UFL1: variants seen among roughly 807,000 people sequenced by gnomAD.
The protein encoded by UFL1 is E3 UFM1-protein ligase 1.
A neutral mutation model predicts 99.3 loss-of-function variants in UFL1; 78 were observed. The observed-to-expected ratio is 0.79, with a 90% CI of 0.65 to 0.95. UFL1 has a LOEUF of 0.95. UFL1 is among the 40% of genes least tolerant of loss of function. UFL1 has a pLI of 0.00. For missense variants in UFL1, 936 were observed against 937.0 expected, an observed-to-expected ratio of 1.00 and a Z score of 0.01; for synonymous variants, 335 against 322.2, an observed-to-expected ratio of 1.04 and a Z score of -0.42.
At chr6:96,553,135 G>A in intron 18 of UFL1, 150 bp from the exon 19 acceptor site, 1 of 655,960 alleles carries the variant, frequency 1.5e-6, no homozygotes, top group Non-Finnish European at 2.6e-6. Flanking sequence ...CTCCTTGAGA[G>A]CAGAAACTGC....
intron 5 of UFL1, 88 bp from the exon 6 acceptor site, chr6:96,528,414 A>G: frequency 6.9e-7 from 1 of 1,450,814 alleles, no homozygotes; most frequent in South Asian, 1.4e-5. Context: ...ATACCTCAGC[A>G]TGCAGCATGA....
At chr6:96,533,310 A>G (rs1181941140) in intron 6 of UFL1, among the ~76,000 whole-genome samples, 1 of 152,144 alleles carries the variant, frequency 6.6e-6, no homozygotes, top group African/African-American at 2.4e-5. Flanking sequence ...ATAAATGTTC[A>G]TAGGAGCATT....
chr6:96,523,896 G>T (rs1769662893), intron 2 of UFL1, among the ~76,000 whole-genome samples: 1 of 151,958 alleles, frequency 6.6e-6, no homozygotes, highest in South Asian at 2.1e-4. Context: ...GTGTAACATT[G>T]GTCTTTGTCT....
intron 17 of UFL1, among the ~76,000 whole-genome samples, 156 bp downstream of exon 17, chr6:96,552,079 T>C (rs555199285): frequency 8.5e-5 from 13 of 152,082 alleles, no homozygotes; most frequent in African/African-American, 2.9e-4. Context: ...ATATTCAAAG[T>C]CTTAAAATAG....
At chr6:96,539,181 C>G (rs1162536447) in intron 10 of UFL1, among the ~76,000 whole-genome samples, 1 of 151,630 alleles carries the variant, frequency 6.6e-6, no homozygotes, top group Non-Finnish European at 1.5e-5. Context: ...TTTACTCAAT[C>G]TAGCAGAGCC....
At chr6:96,546,043 T>G (rs1034687327) in intron 12 of UFL1, among the ~76,000 whole-genome samples, 4 of 150,998 alleles carry the variant, frequency 2.6e-5, no homozygotes, top group African/African-American at 7.3e-5. Context: ...AAGAAAGAAA[T>G]AAAAGCATCC....
chr6:96,529,175 G>T (rs1769746356), intron 6 of UFL1, among the ~76,000 whole-genome samples: 1 of 152,106 alleles, frequency 6.6e-6, no homozygotes, highest in African/African-American at 2.4e-5. Flanking sequence ...AAATATTTGG[G>T]TCTGTGTGAC....
At chr6:96,523,043 C>G in intron 1 of UFL1, 103 bp from the exon 2 acceptor site, 1 of 1,173,814 alleles carries the variant, frequency 8.5e-7, no homozygotes. Context: ...AAGTTAGTGA[C>G]TAAACAAACT....
In UFL1 at chr6:96,549,486, G is replaced by T. The variant is rs145323234; in HGVS notation, c.1595G>T (p.Gly532Val). ...TCAACAACTTCTGCTTCTGGGACGG[G>T]CAGAAAACGCACAATCAAGGACTTG... The part of the protein sequence containing the change: ...MSSTTSASGT[G>V]RKRTIKDLQE... The change falls in exon 14 of 19, where the codon GGC (glycine) becomes GTC (valine). Residue 532 changes from glycine to valine, a missense_variant. By Grantham distance (109) the Gly-to-Val change is moderately radical. Transcript: ENST00000369278. 33 of 1,590,880 alleles carry T rather than the reference G, an allele frequency of 2.1e-5. No individual in the cohort carries two copies. The African/African-American group carries it at 4.1e-4, about 20-fold the overall frequency.
intron 8 of UFL1, 70 bp downstream of exon 8, chr6:96,536,460 C>T (rs1327940964): frequency 2.3e-6 from 3 of 1,286,260 alleles, no homozygotes; most frequent in African/African-American, 1.5e-5. Context: ...AAGTATTATA[C>T]TAACCCTAGA....
chr6:96,533,492 T>G (rs1308799738), intron 6 of UFL1, among the ~76,000 whole-genome samples: 1 of 152,056 alleles, frequency 6.6e-6, no homozygotes, highest in Non-Finnish European at 1.5e-5. Context: ...GACCACATAT[T>G]AATTCCATTT....
rs1212705747 is a variant in UFL1 at position 96,524,406 on chromosome 6, A to C, written c.248A>C (p.Gln83Pro). Residue 83 changes from glutamine (Q) to proline (P), a missense_variant, in exon 3 of 19, where the codon CAA becomes CCA. Physicochemically the swap from Gln to Pro is moderately conservative, Grantham distance 76. Transcript: ENST00000369278. Reference protein sequence around the residue: ...RGGRVNIVDLQQVINVDLIHI... With the variant: ...RGGRVNIVDLPQVINVDLIHI... The stretch of plus-strand genomic sequence containing the variant: ...GGTCGAGTAAACATTGTTGATCTAC[A>C]ACAGGTAGGTTTTAAATTTATAAAA... The C allele has an allele frequency of 1.3e-5, 20 of 1,580,990 alleles. No individual in the cohort carries two copies. The highest frequency in any genetic ancestry group is 1.7e-5 in the Non-Finnish European group (20 of 1,168,682).
Position 96,521,912 on chromosome 6 carries a change from C to G in UFL1, c.39C>G (p.Ala13=). Residue 13 remains alanine (A), a synonymous_variant, in exon 1 of 19, where the codon GCC becomes GCG. Coordinates refer to ENST00000369278, the MANE Select transcript of UFL1 (RefSeq NM_015323.5). ...DAWEEIRRLA[A]DFQRAQFAEA... The stretch of plus-strand genomic sequence containing the variant: ...GGGAAGAGATTAGGCGGTTGGCGGC[C>G]GACTTCCAGCGGGCGCAGTTCGCCG... 1 of 1,612,566 alleles carries G rather than the reference C, an allele frequency of 6.2e-7. No individual in the cohort carries two copies. The highest frequency in any genetic ancestry group is 8.5e-7 in the Non-Finnish European group (1 of 1,179,600).
intron 4 of UFL1, among the ~76,000 whole-genome samples, chr6:96,526,049 G>A (rs945707002): frequency 1.2e-4 from 18 of 151,192 alleles, no homozygotes; most frequent in African/African-American, 4.4e-4. Context: ...TCATGCCATT[G>A]CACTCCAGCC....
intron 16 of UFL1, 24 bp downstream of exon 16, chr6:96,551,537 A>G: frequency 7.1e-7 from 1 of 1,403,986 alleles, no homozygotes; most frequent in Non-Finnish European, 9.7e-7. Context: ...TATTCTATTT[A>G]CATGTCAGGG....
chr6:96,536,508 A>G, intron 8 of UFL1, 118 bp downstream of exon 8: 1 of 659,010 alleles, frequency 1.5e-6, no homozygotes, highest in Non-Finnish European at 2.2e-6. Flanking sequence ...AAAAATAATA[A>G]TAAATAAAAA....
intron 17 of UFL1, 73 bp from the exon 18 acceptor site, chr6:96,552,405 CAGAA>C: frequency 7.1e-7 from 1 of 1,417,758 alleles, no homozygotes; most frequent in Non-Finnish European, 9.3e-7. Context: ...TAAAAATTAA[CAGAA>C]AGGGATGAAT....
intron 6 of UFL1, among the ~76,000 whole-genome samples, chr6:96,529,835 G>C (rs1769755878): frequency 6.6e-6 from 1 of 152,186 alleles, no homozygotes; most frequent in Admixed American, 6.5e-5. Context: ...GTTAGAAGGA[G>C]AGCATGTATT....
Position 96,537,567 on chromosome 6 carries a change from C to T in UFL1, c.978+18C>T, listed in dbSNP as rs781750303. On this transcript the variant is annotated intron_variant, in intron 9 of 18. Transcript: ENST00000369278. Reference sequence around the variant, plus strand: ...ATATTGCAGTATGTTTTATCTTTTCCTCACTTTTCTTTAAACAGTGACAAC... The same window carrying T: ...ATATTGCAGTATGTTTTATCTTTTCTTCACTTTTCTTTAAACAGTGACAAC... 1.9e-6 allele frequency: 3 copies of T among 1,548,356 alleles called. No homozygotes were observed. In the South Asian group the frequency reaches 3.7e-5, roughly 19 times the overall value.
Sources: gnomAD v4.1 joint callset for allele counts (sites outside exome capture counted in the v4.1 genomes callset) on GRCh38, gnomAD v4.1.1 for gene constraint, MANE v1.5 for transcripts, NCBI Gene and HGNC (gene_info 2026-07-23, HGNC 2026-07-21) for gene names.